Variants in UBR4 observed in about 807,000 individuals in gnomAD.
The protein encoded by UBR4 is ubiquitin protein ligase E3 component n-recognin 4, also known as E3 ubiquitin-protein ligase UBR4.
Under a neutral mutation model 575.6 loss-of-function variants are expected in UBR4, and 124 were observed. That is an observed-to-expected ratio of 0.22 (90% CI 0.19 to 0.25). UBR4 has a LOEUF of 0.25. Ranked by LOEUF, UBR4 falls within the 10% of genes least tolerant of loss-of-function variation. The pLI, the probability that UBR4 is intolerant of heterozygous loss-of-function variation, is 1.00. For missense variants in UBR4, 4,818 were observed against 6,478.8 expected (o/e 0.74, Z 8.80); for synonymous variants, 2,455 against 2,473.7 (o/e 0.99, Z 0.22).
rs749620768 is a variant in UBR4, at chr1:19,106,841, G to A, written c.12231C>T (p.Ile4077=). ...SYDAWKKCLP[I]RGIDGNGKAP... ...GTCTTGAAGAGAAAGATATACCTCT[G>A]ATAGGAAGACACTTCTTCCAGGCAT... The change falls in exon 82 of 106, where the codon ATC becomes ATT. Residue 4077 remains isoleucine, a synonymous_variant. Transcript: ENST00000375254. 4 of 1,613,918 alleles carry A rather than the reference G, an allele frequency of 2.5e-6. No homozygotes were observed. Among genetic ancestry groups the A allele is most frequent in the Non-Finnish European group, 3.4e-6 (4 of 1,179,860 alleles).
In UBR4 at chr1:19,086,667, G is replaced by A; in HGVS notation, c.14687+12C>T. The stretch of plus-strand genomic sequence containing the variant: ...CTACTGAAGGAGCCATTCCGCAAGA[G>A]CCAGGGCCTACCTGACGGCAGCCAG... On this transcript the variant is annotated intron_variant, in intron 100 of 105. Transcript: ENST00000375254. The A allele has an allele frequency of 6.2e-7, 1 of 1,613,548 alleles. No homozygotes were observed. Among genetic ancestry groups the A allele is most frequent in the South Asian group, 1.1e-5 (1 of 91,054 alleles).
intron 78 of UBR4, chr1:19,112,088 G>C (rs1235158725): frequency 6.4e-6 from 1 of 155,208 alleles, no homozygotes; most frequent in Non-Finnish European, 1.4e-5. Flanking sequence ...GGAAAACACA[G>C]ACTCAGAGAA....
intron 17 of UBR4, among the ~76,000 whole-genome samples, 173 bp downstream of exon 17, chr1:19,183,638 C>T (rs1043079010): frequency 6.6e-6 from 1 of 152,212 alleles, no homozygotes; most frequent in African/African-American, 2.4e-5. Context: ...AGGAGAATCG[C>T]TTGAACCTGG....
intron 101 of UBR4, among the ~76,000 whole-genome samples, chr1:19,085,020 C>G (rs1228010755): frequency 6.6e-6 from 1 of 152,210 alleles, no homozygotes; most frequent in African/African-American, 2.4e-5. Flanking sequence ...TTGGAGGAAG[C>G]AATGTAGAAC....
At chr1:19,160,774 T>TACG in intron 38 of UBR4, 143 bp downstream of exon 38, 2 of 785,452 alleles carry the variant, frequency 2.5e-6, no homozygotes, top group Non-Finnish European at 4.2e-6. Flanking sequence ...GTGACGACAA[T>TACG]ACATAGTATT....
intron 53 of UBR4, among the ~76,000 whole-genome samples, chr1:19,145,166 T>C (rs1407999038): frequency 6.6e-6 from 1 of 152,144 alleles, no homozygotes; most frequent in Non-Finnish European, 1.5e-5. Flanking sequence ...AGCTGTCCAC[T>C]CTCTCTGGAT....
chr1:19,197,058 G>A (rs2092500466), intron 8 of UBR4, 83 bp downstream of exon 8: 2 of 1,514,484 alleles, frequency 1.3e-6, no homozygotes, highest in African/African-American at 2.8e-5. Context: ...GATGAGTAGA[G>A]TATTCAGGAG....
Position 19,144,094 on chromosome 1 carries a change from G to A in UBR4, c.8068-3C>T. 6.2e-7 allele frequency: 1 copy of A among 1,613,456 alleles called. No individual in the cohort carries two copies. Among genetic ancestry groups the A allele is most frequent in the East Asian group, 2.2e-5 (1 of 44,866 alleles). On this transcript the variant is annotated splice_region_variant and splice_polypyrimidine_tract_variant and intron_variant, in intron 54 of 105. Transcript: ENST00000375254. Reference sequence around the variant, plus strand: ...CAAGAGAAGCTCACAGCAGGATCCTGAGGTTTAAAAGGAAACTGTCACGCT... The same window carrying A: ...CAAGAGAAGCTCACAGCAGGATCCTAAGGTTTAAAAGGAAACTGTCACGCT...
At position 19,156,827 on chromosome 1, in the gene UBR4, A is replaced by G. The variant is rs1304528643; in HGVS notation, c.5859T>C (p.Thr1953=). The G allele has an allele frequency of 1.5e-5, 25 of 1,614,064 alleles. No homozygotes were observed. The highest frequency in any genetic ancestry group is 2.1e-5 in the Non-Finnish European group (25 of 1,180,020). The change falls in exon 41 of 106, where the codon ACT becomes ACC. Residue 1953 remains threonine (T), a synonymous_variant. Coordinates refer to ENST00000375254, the MANE Select transcript of UBR4 (RefSeq NM_020765.3). ...TRLASAPVPF[T]VLSLTGNPCK... is the part of the protein sequence containing the mutation. ...AGGGATTTCCTGTGAGGCTCAACAC[A>G]GTAAAAGGAACTGGGGCAGAAGCCA...
chr1:19,077,374 G>A (rs2076050640), intron 104 of UBR4, among the ~76,000 whole-genome samples: 1 of 152,198 alleles, frequency 6.6e-6, no homozygotes, highest in South Asian at 2.1e-4. Flanking sequence ...GAGACCCGGC[G>A]GGGAAGGTCT....
chr1:19,076,899 C>A lies in UBR4; in HGVS notation c.15328G>T (p.Val5110Leu). 6.4e-7 allele frequency: 1 copy of A among 1,554,816 alleles called. No individual in the cohort carries two copies. Among genetic ancestry groups the A allele is most frequent in the South Asian group, 1.2e-5 (1 of 80,880 alleles). Residue 5110 changes from valine (V) to leucine (L), a missense_variant, in exon 105 of 106, where the codon GTG becomes TTG. Coordinates refer to ENST00000375254, the MANE Select transcript of UBR4 (RefSeq NM_020765.3). ...CCTCCCTCTGTGTTACTGGTAGGCA[C>A]CTTCTACGAGAATCAACAGGAGACA... ...VDLIYNMFKK[V>L]PTSNTEGGWS...
chr1:19,095,055 A>C (rs766661867), intron 93 of UBR4, 30 bp from the exon 94 acceptor site: 3 of 1,614,096 alleles, frequency 1.9e-6, no homozygotes, highest in South Asian at 1.1e-5. Context: ...AGTCACTCTC[A>C]GAATAAGACC....
At chr1:19,105,308 T>G in intron 84 of UBR4, 119 bp from the exon 85 acceptor site, 1 of 1,250,362 alleles carries the variant, frequency 8.0e-7, no homozygotes. Flanking sequence ...TCCTGCTTCC[T>G]AGAGGGTGGA....
rs768724983 is a variant in UBR4 at position 19,106,609 on chromosome 1, G to C, written c.12353C>G (p.Pro4118Arg). Residue 4118 changes from proline to arginine, a missense_variant, in exon 83 of 106, where the codon CCC (proline) becomes CGC (arginine). Pro to Arg is a moderately radical substitution (Grantham distance 103, BLOSUM62 -2). Around this residue, in one of 29 missense-constraint regions of UBR4, gnomAD observed 178 missense variants for 175.5 expected, o/e 1.01. Transcript: ENST00000375254. ...GTTATGCCCCAGTTTGAGATCCAAG[G>C]GGGAGGTCCTCTTCCCCCGACGACT... The part of the protein sequence containing the change: ...FLSRRGKRTS[P>R]LDLKLGHNNW... 1 of 1,596,494 alleles carries C rather than the reference G, an allele frequency of 6.3e-7. No individual in the cohort carries two copies. The highest frequency in any genetic ancestry group is 1.7e-4 in the Middle Eastern group (1 of 5,960).
chr1:19,151,557 C>G, intron 48 of UBR4, 86 bp downstream of exon 48: 1 of 1,419,670 alleles, frequency 7.0e-7, no homozygotes. Flanking sequence ...GGAGAGATCC[C>G]AGAATGTTGG....
chr1:19,107,094 G>A lies in UBR4; in HGVS notation c.12106-128C>T, dbSNP rs1179639468. 11 of 1,349,950 alleles carry A rather than the reference G, an allele frequency of 8.1e-6. No individual in the cohort carries two copies. The South Asian group carries it at 1.4e-4, about 17-fold the overall frequency. 83.6% of individuals were successfully genotyped at this position (1,349,950 alleles called of 1,614,324 possible). A position where few individuals can be genotyped will look rare whatever the true frequency, so the allele number is the denominator to read the frequency against. On this transcript the variant is annotated intron_variant, in intron 81 of 105. Coordinates refer to ENST00000375254, the MANE Select transcript of UBR4 (RefSeq NM_020765.3). ...AAGAAGATCAGGAGGATCAACACGT[G>A]TATCTCTTATGCCCAAATATGTGTT...
intron 58 of UBR4, among the ~76,000 whole-genome samples, chr1:19,140,088 C>T (rs949794294): frequency 2.6e-5 from 4 of 152,116 alleles, no homozygotes; most frequent in African/African-American, 9.7e-5. Flanking sequence ...CAGGCTAAAA[C>T]TTCCAAAAGA....
At chr1:19,112,367 C>G (rs1319209508) in intron 78 of UBR4, 157 bp downstream of exon 78, 1 of 861,242 alleles carries the variant, frequency 1.2e-6, no homozygotes, top group Admixed American at 2.9e-5. Flanking sequence ...AGCTCGCTCA[C>G]CTACACCCTG....
chr1:19,156,700 G>C (rs1172808816), intron 41 of UBR4, 67 bp downstream of exon 41: 3 of 1,551,100 alleles, frequency 1.9e-6, no homozygotes, highest in Non-Finnish European at 2.6e-6. Context: ...GTAGTTCTGA[G>C]AACAGGGGAG....
Sources: gnomAD v4.1 joint callset for allele counts (sites outside exome capture counted in the v4.1 genomes callset) on GRCh38, gnomAD v4.1.1 for gene constraint, gnomAD v4.1.1 regional missense constraint, MANE v1.5 for transcripts, NCBI Gene and HGNC (gene_info 2026-07-23, HGNC 2026-07-21) for gene names.